RAPGEF4: variants seen among roughly 807,000 people sequenced by gnomAD.
RAPGEF4 encodes the protein Rap guanine nucleotide exchange factor 4.
In RAPGEF4, 66 loss-of-function variants were observed where a neutral mutation model predicts 147.9. The ratio of observed to expected loss-of-function variants is 0.45; its 90% CI spans 0.37 to 0.55. RAPGEF4 has a LOEUF of 0.55. Ranked by LOEUF, RAPGEF4 falls within the 20% of genes least tolerant of loss-of-function variation. RAPGEF4 has a pLI of 0.00. For missense variants in RAPGEF4, 1,071 were observed against 1,257.3 expected, an observed-to-expected ratio of 0.85 and a Z score of 2.24; for synonymous variants, 419 against 442.7, an observed-to-expected ratio of 0.95 and a Z score of 0.67.
At chr2:172,966,348 A>G (rs182893549) in intron 9 of RAPGEF4, among the ~76,000 whole-genome samples, 2 of 152,332 alleles carry the variant, frequency 1.3e-5, no homozygotes, top group East Asian at 3.9e-4. Context: ...TGGTTTTGCC[A>G]GCGTTTCTCA....
intron 4 of RAPGEF4, among the ~76,000 whole-genome samples, chr2:172,906,058 T>C (rs1319509231): frequency 1.3e-5 from 2 of 152,098 alleles, no homozygotes; most frequent in African/African-American, 2.4e-5. Flanking sequence ...TCTGTAGTAC[T>C]CTGGGATTTT....
intron 4 of RAPGEF4, among the ~76,000 whole-genome samples, chr2:172,860,607 AG>A (rs1259855705): frequency 6.7e-6 from 1 of 149,290 alleles, no homozygotes; most frequent in Admixed American, 6.6e-5. Flanking sequence ...GGGGAAGTGA[AG>A]GGTTAGAGGA....
At chr2:172,817,800 C>A (rs1434461763) in intron 4 of RAPGEF4, among the ~76,000 whole-genome samples, 1 of 151,080 alleles carries the variant, frequency 6.6e-6, no homozygotes, top group Non-Finnish European at 1.5e-5. Flanking sequence ...ATGTTTATAG[C>A]AGCACAATTC....
At chr2:173,003,160 C>T (rs539409657) in intron 17 of RAPGEF4, among the ~76,000 whole-genome samples, 3 of 151,716 alleles carry the variant, frequency 2.0e-5, no homozygotes, top group African/African-American at 7.2e-5. Context: ...CTAACTTCTT[C>T]GTGTATTAGC....
At chr2:172,744,955 T>A (rs1301583022) in intron 1 of RAPGEF4, among the ~76,000 whole-genome samples, 1 of 152,184 alleles carries the variant, frequency 6.6e-6, no homozygotes, top group Non-Finnish European at 1.5e-5. Context: ...GAATAGATAC[T>A]ACTTTGTCAA....
At chr2:172,831,556 A>G (rs1270595487) in intron 4 of RAPGEF4, among the ~76,000 whole-genome samples, 1 of 152,000 alleles carries the variant, frequency 6.6e-6, no homozygotes, top group East Asian at 1.9e-4. Flanking sequence ...GGCGTGAGCC[A>G]CCGTGCCTGG....
intron 1 of RAPGEF4, 30 bp downstream of exon 1, chr2:172,736,078 C>A: frequency 6.9e-7 from 1 of 1,450,870 alleles, no homozygotes; most frequent in Non-Finnish European, 9.1e-7. Flanking sequence ...AGCCGGGGGC[C>A]GAGCTCTGCG....
chr2:172,973,371 C>T (rs896118427), intron 10 of RAPGEF4, among the ~76,000 whole-genome samples: 1 of 152,116 alleles, frequency 6.6e-6, no homozygotes, highest in Non-Finnish European at 1.5e-5. Context: ...CCTCAGCCTC[C>T]CAAAGTATTG....
chr2:172,926,082 GGAAGGAAA>G (rs1263693830), intron 6 of RAPGEF4, among the ~76,000 whole-genome samples: 3 of 150,910 alleles, frequency 2.0e-5, no homozygotes, highest in Non-Finnish European at 4.4e-5. Flanking sequence ...CAGGCAGACA[GGAAGGAAA>G]GAAGGAAAGA....
chr2:173,010,087 T>C (rs1274925739), intron 17 of RAPGEF4, among the ~76,000 whole-genome samples: 1 of 152,208 alleles, frequency 6.6e-6, no homozygotes, highest in Non-Finnish European at 1.5e-5. Context: ...TCACTTAAAC[T>C]CATTCTGCCT....
intron 1 of RAPGEF4, among the ~76,000 whole-genome samples, chr2:172,792,538 G>C (rs1415232181): frequency 6.6e-6 from 1 of 152,160 alleles, no homozygotes; most frequent in African/African-American, 2.4e-5. Flanking sequence ...CTTCTAGTAG[G>C]GGTTTGTTGG....
intron 10 of RAPGEF4, among the ~76,000 whole-genome samples, chr2:172,979,585 A>G (rs559670347): frequency 7.9e-5 from 12 of 152,336 alleles, no homozygotes; most frequent in Admixed American, 2.6e-4. Context: ...TCTGCTTCCA[A>G]TCTAGTGCCT....
intron 1 of RAPGEF4, among the ~76,000 whole-genome samples, chr2:172,771,472 G>T (rs895820228): frequency 6.8e-4 from 104 of 152,046 alleles, no homozygotes; most frequent in Non-Finnish European, 2.1e-4. Context: ...GCTAGAAAAA[G>T]ATTGAAAAAA....
rs1693891439 is a variant in RAPGEF4 at position 173,001,276 on chromosome 2, A to G, written c.1590A>G (p.Leu530=). 6.2e-7 allele frequency: 1 copy of G among 1,613,936 alleles called. No homozygotes were observed. Among genetic ancestry groups the G allele is most frequent in the Non-Finnish European group, 8.5e-7 (1 of 1,179,942 alleles). Residue 530 remains leucine (L), a synonymous_variant, in exon 17 of 31, where the codon TTA becomes TTG. Coordinates refer to ENST00000397081, the MANE Select transcript of RAPGEF4 (RefSeq NM_007023.4). ...TTTTTCCCCTTCCAGATTCTGTTTT[A>G]AATGACTTTATTATGATGCACTGTG... The part of the protein sequence containing the change: ...ATLNEATDSV[L]NDFIMMHCVF...
At chr2:172,793,307 A>G (rs1686011567) in intron 1 of RAPGEF4, among the ~76,000 whole-genome samples, 1 of 152,216 alleles carries the variant, frequency 6.6e-6, no homozygotes, top group Non-Finnish European at 1.5e-5. Context: ...AAAGAAGATT[A>G]CATGCACAGG....
intron 19 of RAPGEF4, 101 bp downstream of exon 19, chr2:173,016,538 C>A: frequency 2.1e-6 from 2 of 954,208 alleles, no homozygotes; most frequent in Non-Finnish European, 3.3e-6. Context: ...CATAGCCATG[C>A]CCCGCTTGAT....
At chr2:173,028,971 A>G (rs1696922104) in intron 25 of RAPGEF4, among the ~76,000 whole-genome samples, 1 of 152,344 alleles carries the variant, frequency 6.6e-6, no homozygotes, top group South Asian at 2.1e-4. Flanking sequence ...GGCAGTGACT[A>G]GAAAGGCAGG....
intron 4 of RAPGEF4, among the ~76,000 whole-genome samples, chr2:172,911,445 C>T (rs2150006273): frequency 6.6e-6 from 1 of 152,174 alleles, no homozygotes; most frequent in Non-Finnish European, 1.5e-5. Context: ...TTTTCTGTGG[C>T]TCCTGGCTTT....
intron 4 of RAPGEF4, among the ~76,000 whole-genome samples, chr2:172,898,742 G>A (rs1291329727): frequency 2.6e-5 from 4 of 152,240 alleles, no homozygotes; most frequent in Middle Eastern, 3.4e-3. Context: ...CCTCCCTATG[G>A]GCCGCCACAC....
Sources: gnomAD v4.1 joint callset for allele counts (sites outside exome capture counted in the v4.1 genomes callset) on GRCh38, gnomAD v4.1.1 for gene constraint, MANE v1.5 for transcripts, NCBI Gene and HGNC (gene_info 2026-07-23, HGNC 2026-07-21) for gene names.